MACF1: variants seen among roughly 807,000 people sequenced by gnomAD.
MACF1 encodes the protein microtubule actin crosslinking factor 1.
Under a neutral mutation model 854.8 loss-of-function variants are expected in MACF1, and 193 were observed. That is an observed-to-expected ratio of 0.23 (90% confidence interval 0.20 to 0.25). MACF1 has a LOEUF of 0.25. MACF1 is among the 10% of genes least tolerant of loss of function. MACF1 has a pLI of 1.00. For missense variants in MACF1, 7,722 were observed against 8,929.1 expected (o/e 0.86, Z 5.45); for synonymous variants, 3,185 against 3,226.7 (o/e 0.99, Z 0.44).
Position 39,331,538 on chromosome 1 carries a change from A to C in MACF1, c.4950A>C (p.Lys1650Asn). The C allele has an allele frequency of 6.2e-7, 1 of 1,614,170 alleles. No individual in the cohort carries two copies. The highest frequency in any genetic ancestry group is 1.1e-5 in the South Asian group (1 of 91,084). ...TAATCAGTGAGACAGTTGGACTGAAAATCTTAGAAGCTCACCTGGCAACTG... is the reference window on the plus strand; with the variant it reads ...TAATCAGTGAGACAGTTGGACTGAACATCTTAGAAGCTCACCTGGCAACTG... ...KRIISETVGL[K>N]ILEAHLATGG... Residue 1650 changes from lysine (K) to asparagine (N), a missense_variant, in exon 37 of 101, where the codon AAA (lysine) becomes AAC (asparagine). By Grantham distance (94) the Lys-to-Asn change is moderately conservative. Around this residue, in one of 15 missense-constraint regions of MACF1, gnomAD observed 1,531 missense variants for 1,601.6 expected, o/e 0.96. Coordinates refer to ENST00000564288, the MANE Select transcript of MACF1 (RefSeq NM_001394062.1).
chr1:39,284,939 A>G, intron 11 of MACF1, 144 bp from the exon 12 acceptor site: 4 of 1,142,886 alleles, frequency 3.5e-6, no homozygotes, highest in Non-Finnish European at 3.8e-6. Context: ...CCTGATACAT[A>G]TTTGATTGTT....
At chr1:39,431,038 G>A (rs939108552) in intron 66 of MACF1, 130 bp downstream of exon 66, 4 of 867,200 alleles carry the variant, frequency 4.6e-6, no homozygotes, top group Non-Finnish European at 7.3e-6. Context: ...GAATAAATAT[G>A]TTTCATTGAT....
intron 1 of MACF1, among the ~76,000 whole-genome samples, chr1:39,226,396 A>C (rs1644716354): frequency 6.6e-6 from 1 of 150,554 alleles, no homozygotes; most frequent in East Asian, 2.0e-4. Flanking sequence ...GCTGGAATGC[A>C]GTGGCACGAT....
chr1:39,388,565 T>A lies in MACF1; in HGVS notation c.15723T>A (p.Asn5241Lys), dbSNP rs1488388305. The stretch of plus-strand genomic sequence containing the variant: ...TCTACAGGAAATTGAAAGGACTCAA[T>A]GACGCGACCACAGCAGCAGAGGAGG... The part of the protein sequence containing the change: ...EDFYRKLKGL[N>K]DATTAAEEAE... The change falls in exon 58 of 101, where the codon AAT becomes AAA. Residue 5241 changes from asparagine to lysine, a missense_variant. This residue lies in a region of MACF1 where 2,807 missense variants were observed against 3,235.8 expected (regional missense o/e 0.87). Transcript: ENST00000564288. 6.2e-7 allele frequency: 1 copy of A among 1,614,128 alleles called. No individual in the cohort carries two copies. Among genetic ancestry groups the A allele is most frequent in the Non-Finnish European group, 8.5e-7 (1 of 1,180,034 alleles).
At chr1:39,337,448 C>T in intron 38 of MACF1, 117 bp downstream of exon 38, 1 of 945,968 alleles carries the variant, frequency 1.1e-6, no homozygotes, top group Non-Finnish European at 1.5e-6. Context: ...GGTAAACAAT[C>T]TCAGACCCTT....
At position 39,428,195 on chromosome 1, in the gene MACF1, A is replaced by T; in HGVS notation, c.16711A>T (p.Asn5571Tyr). Residue 5571 changes from asparagine to tyrosine, a missense_variant, in exon 63 of 101, where the codon AAC (asparagine) becomes TAC (tyrosine). Coordinates refer to ENST00000564288, the MANE Select transcript of MACF1 (RefSeq NM_001394062.1). ...TGGGGAGGATGAGGTGGAGGTGCTCAACTGGCTGGCTGAGGTTGAGGACAA... is the reference window on the plus strand; with the variant it reads ...TGGGGAGGATGAGGTGGAGGTGCTCTACTGGCTGGCTGAGGTTGAGGACAA... ...LFGEDEVEVL[N>Y]WLAEVEDKLS... The T allele has an allele frequency of 6.2e-7, 1 of 1,614,188 alleles. No homozygotes were observed. Among genetic ancestry groups the T allele is most frequent in the Non-Finnish European group, 8.5e-7 (1 of 1,180,018 alleles).
At chr1:39,482,228 G>A (rs1459107785) in intron 99 of MACF1, among the ~76,000 whole-genome samples, 1 of 152,214 alleles carries the variant, frequency 6.6e-6, no homozygotes, top group Non-Finnish European at 1.5e-5. Flanking sequence ...GGTTCTAGCT[G>A]TGGTCTTCCA....
intron 26 of MACF1, among the ~76,000 whole-genome samples, chr1:39,314,567 TCTCACACACACACACACA>T (rs1360911811): frequency 6.9e-5 from 8 of 115,210 alleles, no homozygotes; most frequent in Admixed American, 1.8e-4. Context: ...TCTCTCTCTC[TCTCACACACACACACACA>T]CACACACACA....
At chr1:39,361,727 G>A in intron 49 of MACF1, 50 bp downstream of exon 49, 4 of 1,577,962 alleles carry the variant, frequency 2.5e-6, no homozygotes, top group Non-Finnish European at 3.5e-6. Flanking sequence ...AGAAGGGCAG[G>A]GAGAGAACCA....
rs1479522499 is a variant in MACF1 at position 39,411,300 on chromosome 1, A to G, written c.15817-11074A>G. The G allele has an allele frequency of 6.8e-6, 11 of 1,613,950 alleles. No homozygotes were observed. The Admixed American group carries it at 1.8e-4, about 27-fold the overall frequency. ...AGGAAGAGAAACTGTCAGACAGGGAAAAGACTTTTCTGATGGCAGATGAGA... is the reference window on the plus strand; with the variant it reads ...AGGAAGAGAAACTGTCAGACAGGGAGAAGACTTTTCTGATGGCAGATGAGA... On this transcript the variant is annotated intron_variant, in intron 58 of 100. Transcript: ENST00000564288.
At chr1:39,088,884 A>G (rs993310832) in intron 2 of MACF1, among the ~76,000 whole-genome samples, 4 of 152,234 alleles carry the variant, frequency 2.6e-5, no homozygotes, top group East Asian at 3.8e-4. Flanking sequence ...GATGGCAGTA[A>G]CATGTTTTGA....
intron 41 of MACF1, 69 bp downstream of exon 41, chr1:39,347,279 C>A: frequency 8.4e-7 from 1 of 1,188,132 alleles, no homozygotes; most frequent in Non-Finnish European, 1.2e-6. Context: ...GTTTTCTGGC[C>A]AGACTCTGTG....
At chr1:39,474,388 C>CA (rs1176344880) in intron 97 of MACF1, among the ~76,000 whole-genome samples, 2 of 151,484 alleles carry the variant, frequency 1.3e-5, no homozygotes. Context: ...GACTCTGTCG[C>CA]AAAAAATAAT....
In MACF1 at chr1:39,447,835, G is replaced by A; in HGVS notation, c.19905G>A (p.Lys6635=). The A allele has an allele frequency of 6.2e-7, 1 of 1,613,796 alleles. No individual in the cohort carries two copies. Among genetic ancestry groups the A allele is most frequent in the Non-Finnish European group, 8.5e-7 (1 of 1,179,910 alleles). ...LLVSVQSRWE[K]VVQRSIERGR... The stretch of plus-strand genomic sequence containing the variant: ...TGAGCGTGCAGTCTCGATGGGAGAA[G>A]GTTGTCCAGCGATCTATTGAAAGAG... The change falls in exon 82 of 101, where the codon AAG becomes AAA. Residue 6635 remains lysine (K), a synonymous_variant. Transcript: ENST00000564288.
chr1:39,442,503 T>C lies in MACF1; in HGVS notation c.19040T>C (p.Leu6347Ser), dbSNP rs1644139873. 1.2e-6 allele frequency: 2 copies of C among 1,614,128 alleles called. No homozygotes were observed. Among genetic ancestry groups the C allele is most frequent in the Admixed American group, 1.7e-5 (1 of 60,004 alleles). Residue 6347 changes from leucine to serine, a missense_variant, in exon 77 of 101, where the codon TTA (leucine) becomes TCA (serine). By Grantham distance (145) the Leu-to-Ser change is moderately radical. This residue lies in a region of MACF1 where 2,807 missense variants were observed against 3,235.8 expected (regional missense o/e 0.87). Coordinates refer to ENST00000564288, the MANE Select transcript of MACF1 (RefSeq NM_001394062.1). Reference protein sequence around the residue: ...MSWLTHTEELLDAQRPISGDP... With the variant: ...MSWLTHTEELSDAQRPISGDP... ...TGGCTGACTCATACCGAAGAGTTGTTAGATGCTCAGAGACCAATAAGTGGA... is the reference window on the plus strand; with the variant it reads ...TGGCTGACTCATACCGAAGAGTTGTCAGATGCTCAGAGACCAATAAGTGGA...
intron 1 of MACF1, among the ~76,000 whole-genome samples, chr1:39,217,839 C>T (rs1281226083): frequency 6.7e-6 from 1 of 149,240 alleles, no homozygotes; most frequent in East Asian, 2.0e-4. Context: ...TTTCAGTGAG[C>T]CGGGATCCAC....
chr1:39,271,197 A>G (rs988752601), intron 6 of MACF1, among the ~76,000 whole-genome samples: 6 of 152,190 alleles, frequency 3.9e-5, no homozygotes. Context: ...TTTAATTGGT[A>G]TACAGTTCTG....
intron 58 of MACF1, chr1:39,413,078 C>T: frequency 1.2e-6 from 2 of 1,601,754 alleles, no homozygotes; most frequent in Non-Finnish European, 1.7e-6. Flanking sequence ...GCTGTTGCAG[C>T]AGCCATCACA....
Position 39,428,263 on chromosome 1 carries a change from G to A in MACF1, c.16779G>A (p.Leu5593=), listed in dbSNP as rs1643786956. 1 of 1,611,954 alleles carries A rather than the reference G, an allele frequency of 6.2e-7. No homozygotes were observed. The highest frequency in any genetic ancestry group is 1.1e-5 in the South Asian group (1 of 90,712). Residue 5593 remains leucine (L), a synonymous_variant, in exon 63 of 101, where the codon CTG becomes CTA. Coordinates refer to ENST00000564288, the MANE Select transcript of MACF1 (RefSeq NM_001394062.1). ...VFVKDFKQDV[L]HRQHADHLAL... is the part of the protein sequence containing the mutation. ...TAAAGGATTTCAAACAGGATGTCCT[G>A]CACAGGCAGCATGCTGACCACCTGG...
Sources: allele counts gnomAD v4.1 joint callset (sites outside exome capture counted in the v4.1 genomes callset), GRCh38; gene constraint gnomAD v4.1.1; regional missense constraint gnomAD v4.1.1; transcripts MANE v1.5; gene names NCBI Gene and HGNC (gene_info 2026-07-23, HGNC 2026-07-21).